TACC2: variants seen among roughly 807,000 people sequenced by gnomAD.
TACC2 encodes transforming acidic coiled-coil-containing protein 2.
In TACC2, 137 loss-of-function variants were observed where a neutral mutation model predicts 227.3. The ratio of observed to expected loss-of-function variants is 0.60; its 90% CI spans 0.52 to 0.69. TACC2 has a LOEUF of 0.69. Among genes scored for constraint, TACC2 ranks in the 30% least tolerant of loss-of-function variants. The probability of loss-of-function intolerance (pLI) is 0.00; values close to 1 mark genes in which losing one functional copy is unlikely to be tolerated. For missense variants in TACC2, 3,470 were observed against 3,694.4 expected (o/e 0.94, Z 1.57); for synonymous variants, 1,523 against 1,487.5 (o/e 1.02, Z -0.55).
intron 2 of TACC2, among the ~76,000 whole-genome samples, chr10:122,046,478 T>C (rs140449382): frequency 0.032 from 4,787 of 151,340 alleles, 203 homozygotes; most frequent in African/African-American, 0.099. Context: ...TGTCTCAAAA[T>C]ATAATAATAA....
At chr10:122,240,399 A>G (rs1209697337) in intron 18 of TACC2, among the ~76,000 whole-genome samples, 1 of 152,182 alleles carries the variant, frequency 6.6e-6, no homozygotes, top group Non-Finnish European at 1.5e-5. Context: ...TTGGGAGTCC[A>G]TTCTGGGGTG....
rs555841909 is a variant in TACC2 at position 121,995,609 on chromosome 10, C to T, written c.-46+6121C>T. 5.3e-5 allele frequency among the ~76,000 whole-genome samples: 8 copies of T among 152,232 alleles called. No homozygotes were observed. In the East Asian group the frequency reaches 5.8e-4, roughly 11 times the overall value. On this transcript the variant is annotated intron_variant, in intron 1 of 22. Coordinates refer to ENST00000369005, the MANE Select transcript of TACC2 (RefSeq NM_206862.4). The stretch of plus-strand genomic sequence containing the variant: ...TTATAAAGAAAAGAGATAGTTGGCT[C>T]ATGGTTCTGAAGGCTGTACAGGCTT...
chr10:122,148,772 G>C lies in TACC2; in HGVS notation c.5834+5066G>C, dbSNP rs973236092. 5.9e-5 allele frequency among the ~76,000 whole-genome samples: 9 copies of C among 152,336 alleles called. No individual in the cohort carries two copies. In the East Asian group the frequency reaches 1.7e-3, roughly 29 times the overall value. ...TCCAGTGCAAATGGCTTTTCTCCAG[G>C]AGTTTTCACACTCCCCTCCCCCCAC... On this transcript the variant is annotated intron_variant, in intron 7 of 22. Coordinates refer to ENST00000369005, the MANE Select transcript of TACC2 (RefSeq NM_206862.4).
At chr10:122,163,636 G>A (rs975545511) in intron 7 of TACC2, 11 of 1,030,550 alleles carry the variant, frequency 1.1e-5, no homozygotes, top group Non-Finnish European at 1.3e-5. Flanking sequence ...CGGCGCTCAC[G>A]CTCATACCCG....
chr10:122,118,429 T>TA (rs1491456502), intron 5 of TACC2, among the ~76,000 whole-genome samples: 1 of 152,140 alleles, frequency 6.6e-6, no homozygotes, highest in East Asian at 1.9e-4. Flanking sequence ...TGTGCCAAGG[T>TA]CTCTCTCTGA....
chr10:122,147,568 A>G (rs954916230), intron 7 of TACC2, among the ~76,000 whole-genome samples: 7 of 152,242 alleles, frequency 4.6e-5, no homozygotes, highest in African/African-American at 1.7e-4. Flanking sequence ...GAAATTATTT[A>G]GAGTTTTTCT....
At chr10:122,047,448 G>C (rs1175262493) in intron 2 of TACC2, among the ~76,000 whole-genome samples, 1 of 152,144 alleles carries the variant, frequency 6.6e-6, no homozygotes, top group Admixed American at 6.5e-5. Context: ...ACCCCTCAGG[G>C]GGGGGCAGGG....
At position 122,211,516 on chromosome 10, in the gene TACC2, A is replaced by G; in HGVS notation, c.7091A>G (p.Gln2364Arg). The change falls in exon 9 of 23, where the codon CAA (glutamine) becomes CGA (arginine). Residue 2364 changes from glutamine to arginine, a missense_variant. Physicochemically the swap from Gln to Arg is conservative, Grantham distance 43 (BLOSUM62 1). Coordinates refer to ENST00000369005, the MANE Select transcript of TACC2 (RefSeq NM_206862.4). ...ATGCAGGAGTCTCCCAAACTGCCCC[A>G]ACAATCATACAACTTTGACCCAGAC... The part of the protein sequence containing the change: ...SKMQESPKLP[Q>R]QSYNFDPDTC... 6.2e-7 allele frequency: 1 copy of G among 1,613,774 alleles called. No homozygotes were observed. Among genetic ancestry groups the G allele is most frequent in the Non-Finnish European group, 8.5e-7 (1 of 1,179,878 alleles).
At chr10:122,073,352 T>C (rs1367461694) in intron 3 of TACC2, among the ~76,000 whole-genome samples, 1 of 151,906 alleles carries the variant, frequency 6.6e-6, no homozygotes, top group Admixed American at 6.6e-5. Context: ...GAGAACTCCA[T>C]GTGTTCAGAG....
Position 122,210,360 on chromosome 10 carries a change from G to A in TACC2, c.5972-37G>A. ...GAGGAGAGGTGCCCCAATGCGTCCT[G>A]TGTCTGTAATTGATGGCGTTGTCTG... On this transcript the variant is annotated intron_variant, in intron 8 of 22. Transcript: ENST00000369005. This position sits in a 1 kb window ranked among gnomAD's most constrained non-coding sequence, Gnocchi z 4.6. 1 of 1,534,882 alleles carries A rather than the reference G, an allele frequency of 6.5e-7. No individual in the cohort carries two copies. Among genetic ancestry groups the A allele is most frequent in the Non-Finnish European group, 9.0e-7 (1 of 1,108,130 alleles).
intron 22 of TACC2, among the ~76,000 whole-genome samples, chr10:122,250,075 G>A (rs1390062579): frequency 1.3e-5 from 2 of 152,210 alleles, no homozygotes; most frequent in African/African-American, 4.8e-5. Context: ...TGTCAGGGCT[G>A]GAAGGGCGCC....
At chr10:122,212,528 T>C (rs1454667787) in intron 9 of TACC2, among the ~76,000 whole-genome samples, 1 of 152,210 alleles carries the variant, frequency 6.6e-6, no homozygotes, top group Non-Finnish European at 1.5e-5. Context: ...GTGGTTAATA[T>C]CTTGGCGATT....
intron 3 of TACC2, among the ~76,000 whole-genome samples, chr10:122,074,804 C>T (rs571755288): frequency 1.3e-5 from 2 of 149,858 alleles, no homozygotes; most frequent in South Asian, 4.3e-4. Context: ...TGAAGATCTA[C>T]GTGGTCCCCG....
At chr10:122,188,679 A>G (rs1367596329) in intron 7 of TACC2, among the ~76,000 whole-genome samples, 2 of 152,160 alleles carry the variant, frequency 1.3e-5, no homozygotes, top group African/African-American at 2.4e-5. Flanking sequence ...GGACTCCTCA[A>G]TCTGCAGTGC....
intron 2 of TACC2, among the ~76,000 whole-genome samples, chr10:122,029,424 G>A (rs1958649161): frequency 6.6e-6 from 1 of 152,092 alleles, no homozygotes; most frequent in Non-Finnish European, 1.5e-5. Context: ...GAAGACTTTT[G>A]TATCTAAATT....
chr10:122,132,049 A>AAAGGAAGGAAGGAAGGAAGGAAGGAAGG (rs1565389849), intron 5 of TACC2, among the ~76,000 whole-genome samples: 37 of 5,454 alleles, frequency 6.8e-3, no homozygotes, highest in African/African-American at 8.5e-3. Flanking sequence ...AGAAAGAAAG[A>AAAGGAAGGAAGGAAGGAAGGAAGGAAGG]AAGAAAGAAA....
At chr10:122,033,447 T>C (rs2135845660) in intron 2 of TACC2, among the ~76,000 whole-genome samples, 1 of 152,320 alleles carries the variant, frequency 6.6e-6, no homozygotes, top group South Asian at 2.1e-4. Context: ...GGAACGTAGA[T>C]GCTGGGAGCC....
In TACC2 at chr10:121,989,377, G is replaced by A. The variant is rs570687354; in HGVS notation, c.-157G>A. On this transcript the variant is annotated 5_prime_UTR_variant, in exon 1 of 23. Coordinates refer to ENST00000369005, the MANE Select transcript of TACC2 (RefSeq NM_206862.4). The stretch of plus-strand genomic sequence containing the variant: ...TCACTCCTGCTCTAAAAGTTATCTT[G>A]GTTTCTTACTCTACCTTATGCCCCT... The A allele has an allele frequency of 2.0e-4, 30 of 152,286 alleles. No individual in the cohort carries two copies. Among genetic ancestry groups the A allele is most frequent in the African/African-American group, 6.7e-4 (28 of 41,538 alleles). 9.4% of individuals were successfully genotyped at this position (152,286 alleles called of 1,614,324 possible).
At position 122,084,089 on chromosome 10, in the gene TACC2, C is replaced by T. The variant is rs202141378; in HGVS notation, c.1589C>T (p.Ala530Val). The T allele has an allele frequency of 1.2e-6, 2 of 1,613,976 alleles. No individual in the cohort carries two copies. The highest frequency in any genetic ancestry group is 1.7e-6 in the Non-Finnish European group (2 of 1,179,938). The stretch of plus-strand genomic sequence containing the variant: ...CAAAGCCATGAGGTCCAACCAGGAG[C>T]ACCACCCCCTCCTCTTCCCAAGGCA... The part of the protein sequence containing the change: ...KEQSHEVQPG[A>V]PPPPLPKAPS... The change falls in exon 4 of 23, where the codon GCA becomes GTA. Residue 530 changes from alanine (A) to valine (V), a missense_variant. Transcript: ENST00000369005.
Sources: gnomAD v4.1 joint callset for allele counts (sites outside exome capture counted in the v4.1 genomes callset) on GRCh38, gnomAD v4.1.1 for gene constraint, Gnocchi (gnomAD v3.1) non-coding constraint, MANE v1.5 for transcripts, NCBI Gene and HGNC (gene_info 2026-07-23, HGNC 2026-07-21) for gene names.